The following ATP8B1 variants were observed in gnomAD, a reference collection of about 807,000 sequenced individuals.
ATP8B1 encodes the protein ATPase phospholipid transporting 8B1.
Under a neutral mutation model 149.9 loss-of-function variants are expected in ATP8B1, and 80 were observed. The ratio of observed to expected loss-of-function variants is 0.53; its 90% confidence interval spans 0.45 to 0.64. The LOEUF (loss-of-function observed/expected upper bound fraction) is 0.64, where lower values mean the gene tolerates loss of function less well. Among genes scored for constraint, ATP8B1 ranks in the 30% least tolerant of loss-of-function variants. The pLI is 0.00. For synonymous variants in ATP8B1, 536 were observed against 562.8 expected (o/e 0.95, Z 0.67); for missense variants, 1,247 against 1,552.6 (o/e 0.80, Z 3.31).
At chr18:57,692,089 A>G in intron 11 of ATP8B1, 92 bp from the exon 12 acceptor site, 1 of 1,529,624 alleles carries the variant, frequency 6.5e-7, no homozygotes, top group Non-Finnish European at 8.8e-7. Context: ...TCAATACTTC[A>G]TATGATTGAG....
intron 1 of ATP8B1, among the ~76,000 whole-genome samples, chr18:57,787,416 T>C (rs1177813056): frequency 7.4e-6 from 1 of 134,642 alleles, no homozygotes; most frequent in Non-Finnish European, 1.7e-5. Context: ...CGGGAGGAGC[T>C]CCATCTAGAA....
chr18:57,713,232 C>CT (rs1568207605), intron 2 of ATP8B1, among the ~76,000 whole-genome samples: 5 of 105,884 alleles, frequency 4.7e-5, no homozygotes, highest in Non-Finnish European at 5.6e-5. Flanking sequence ...TCCTTCCTTC[C>CT]TTCCTTCCTT....
intron 24 of ATP8B1, 34 bp downstream of exon 24, chr18:57,653,958 T>A (rs1467178805): frequency 1.3e-6 from 2 of 1,566,352 alleles, no homozygotes; most frequent in East Asian, 4.5e-5. Flanking sequence ...TTCTCATCTG[T>A]CCAGAAGTGT....
intron 1 of ATP8B1, chr18:57,735,084 C>T (rs2079833826): frequency 6.6e-6 from 1 of 152,380 alleles, no homozygotes; most frequent in Non-Finnish European, 1.5e-5. Flanking sequence ...AAGGGCAACC[C>T]CCTTTGGGTC....
intron 1 of ATP8B1, among the ~76,000 whole-genome samples, chr18:57,800,467 T>G (rs1039553975): frequency 2.0e-5 from 3 of 152,236 alleles, no homozygotes; most frequent in African/African-American, 7.2e-5. Flanking sequence ...GAAAAATCTC[T>G]CTGGAGTTGT....
Position 57,652,681 on chromosome 18 carries a change from C to T in ATP8B1, c.3064G>A (p.Gly1022Arg). 6.2e-7 allele frequency: 1 copy of T among 1,614,066 alleles called. No individual in the cohort carries two copies. Among genetic ancestry groups the T allele is most frequent in the Non-Finnish European group, 8.5e-7 (1 of 1,179,952 alleles). ...SLRFPGLYIV[G>R]QRDLLFNYKR... ...TAGTTGAATAGTAAGTCTCTTTGTCCCACTATGTATAACCCAGGGAATCGG... is the reference window on the plus strand; with the variant it reads ...TAGTTGAATAGTAAGTCTCTTTGTCTCACTATGTATAACCCAGGGAATCGG... Residue 1022 changes from glycine (G) to arginine (R), a missense_variant, in exon 25 of 28, where the codon GGA becomes AGA. Gly to Arg is a moderately radical substitution (Grantham distance 125). This residue lies in a region of ATP8B1 where 230 missense variants were observed against 356.6 expected (regional missense o/e 0.65). Transcript: ENST00000648908.
Position 57,652,137 on chromosome 18 carries a change from A to C in ATP8B1, c.3297T>G (p.Asn1099Lys), listed in dbSNP as rs1909661459. 6.8e-6 allele frequency: 11 copies of C among 1,614,078 alleles called. No individual in the cohort carries two copies. Among genetic ancestry groups the C allele is most frequent in the Non-Finnish European group, 9.3e-6 (11 of 1,180,018 alleles). Residue 1099 changes from asparagine (N) to lysine (K), a missense_variant, in exon 26 of 28, where the codon AAT becomes AAG. By Grantham distance (94) the Asn-to-Lys change is moderately conservative. Coordinates refer to ENST00000648908, the MANE Select transcript of ATP8B1 (RefSeq NM_001374385.1). Reference sequence around the variant, plus strand: ...CAATGCTTCCAAAAATTGAAAAAGCATTCACAAAAGTCCAATAAGAAGTAT... The same window carrying C: ...CAATGCTTCCAAAAATTGAAAAAGCCTTCACAAAAGTCCAATAAGAAGTAT... The part of the protein sequence containing the change: ...GLDTSYWTFV[N>K]AFSIFGSIAL...
At chr18:57,778,714 G>GCTC (rs1234182755) in intron 1 of ATP8B1, among the ~76,000 whole-genome samples, 1 of 152,202 alleles carries the variant, frequency 6.6e-6, no homozygotes, top group East Asian at 1.9e-4. Context: ...CCAGAGGCCA[G>GCTC]CTCCAGTTCT....
intron 16 of ATP8B1, among the ~76,000 whole-genome samples, chr18:57,674,528 G>T (rs922830767): frequency 5.9e-5 from 9 of 151,740 alleles, no homozygotes; most frequent in Non-Finnish European, 1.3e-4. Flanking sequence ...GGGACTACAG[G>T]TGCCAGCCAC....
In ATP8B1 at chr18:57,675,039, A is replaced by G. The variant is rs1911510938; in HGVS notation, c.1631-17T>C. 6.2e-6 allele frequency: 10 copies of G among 1,612,722 alleles called. No homozygotes were observed. The East Asian group carries it at 2.2e-4, about 36-fold the overall frequency. ...TGAGCTGACCTAACAAGGAAGCGAG[A>G]GAAATCCCAGAAAAGCTGTAAAAAC... On this transcript the variant is annotated splice_polypyrimidine_tract_variant and intron_variant, in intron 15 of 27. Transcript: ENST00000648908.
chr18:57,673,923 A>G lies in ATP8B1; in HGVS notation c.1819+911T>C, dbSNP rs1911416892. Among the ~76,000 whole-genome samples, 6 of 152,186 alleles carry G rather than the reference A, an allele frequency of 3.9e-5. No homozygotes were observed. The South Asian group carries it at 1.2e-3, about 31-fold the overall frequency. On this transcript the variant is annotated intron_variant, in intron 16 of 27. Transcript: ENST00000648908. The stretch of plus-strand genomic sequence containing the variant: ...ATAAGCATAGCTTTGCTTTTCTCAG[A>G]AATCTTTTCCTGCTGAGTCCTCCCT...
Position 57,699,685 on chromosome 18 carries a change from C to T in ATP8B1, c.554+1354G>A, listed in dbSNP as rs552953853. On this transcript the variant is annotated intron_variant, in intron 6 of 27. Transcript: ENST00000648908. ...GCAGTGAGCGGAGATCGCGCCACTGCACTCCAGCCTGGGCGACAGAGCGAG... is the reference window on the plus strand; with the variant it reads ...GCAGTGAGCGGAGATCGCGCCACTGTACTCCAGCCTGGGCGACAGAGCGAG... Among the ~76,000 whole-genome samples, 271 of 152,066 alleles carry T rather than the reference C, an allele frequency of 1.8e-3. 2 individuals carry two copies. The highest frequency in any genetic ancestry group is 6.2e-3 in the African/African-American group (256 of 41,488).
intron 27 of ATP8B1, among the ~76,000 whole-genome samples, chr18:57,649,641 G>A (rs1300320230): frequency 1.3e-5 from 2 of 152,072 alleles, no homozygotes; most frequent in East Asian, 3.8e-4. Context: ...CGGTGGGCAG[G>A]TTGATTTCCC....
chr18:57,800,387 A>T (rs916324574), intron 1 of ATP8B1, among the ~76,000 whole-genome samples: 1 of 152,198 alleles, frequency 6.6e-6, no homozygotes. Context: ...CTAAAAAGCA[A>T]GTTCCTCTGC....
chr18:57,701,424 A>G (rs1479029485), intron 4 of ATP8B1, 111 bp from the exon 5 acceptor site: 16 of 906,984 alleles, frequency 1.8e-5, no homozygotes, highest in Middle Eastern at 2.1e-4. Flanking sequence ...CCGTCATCAC[A>G]TAAGTCTACA....
At position 57,652,162 on chromosome 18, in the gene ATP8B1, T is replaced by C. The variant is rs1200968920; in HGVS notation, c.3272A>G (p.Asp1091Gly). Residue 1091 changes from aspartate (D) to glycine (G), a missense_variant, in exon 26 of 28, where the codon GAT (aspartate) becomes GGT (glycine). Asp to Gly is a moderately conservative substitution (Grantham distance 94). Transcript: ENST00000648908. ...ATTCACAAAAGTCCAATAAGAAGTA[T>C]CCAAGCCAATCTGTTGGGAAACCAG... is the stretch of plus-strand genomic sequence containing the variant. ...VITVNFQIGL[D>G]TSYWTFVNAF... The C allele has an allele frequency of 4.3e-6, 7 of 1,613,910 alleles. No individual in the cohort carries two copies. Among genetic ancestry groups the C allele is most frequent in the East Asian group, 4.5e-5 (2 of 44,844 alleles).
At chr18:57,706,143 G>GTATC (rs1913379202) in intron 3 of ATP8B1, among the ~76,000 whole-genome samples, 1 of 152,152 alleles carries the variant, frequency 6.6e-6, no homozygotes, top group Non-Finnish European at 1.5e-5. Flanking sequence ...GCAGAGAAGG[G>GTATC]GAAGATAAGT....
In ATP8B1 at chr18:57,725,424, G is replaced by A. The variant is rs555678440; in HGVS notation, c.181+6203C>T. ...AATGGAATGATATTCCATGCTCATG[G>A]ATTGGAATATTGTTAAAATGTCCAC... On this transcript the variant is annotated intron_variant, in intron 2 of 27. Transcript: ENST00000648908. Among the ~76,000 whole-genome samples, 6 of 152,156 alleles carry A rather than the reference G, an allele frequency of 3.9e-5. No homozygotes were observed. In the South Asian group the frequency reaches 1.0e-3, roughly 26 times the overall value.
At chr18:57,650,813 G>T (rs1229538890) in intron 26 of ATP8B1, among the ~76,000 whole-genome samples, 3 of 151,568 alleles carry the variant, frequency 2.0e-5, no homozygotes, top group Non-Finnish European at 4.4e-5. Flanking sequence ...CTCCAGCCTG[G>T]GTGATAAAGC....
Sources: allele counts gnomAD v4.1 joint callset (sites outside exome capture counted in the v4.1 genomes callset), GRCh38; gene constraint gnomAD v4.1.1; regional missense constraint gnomAD v4.1.1; transcripts MANE v1.5; gene names NCBI Gene and HGNC (gene_info 2026-07-23, HGNC 2026-07-21).